CPVL: variants seen among roughly 807,000 people sequenced by gnomAD.
The protein encoded by CPVL is probable serine carboxypeptidase CPVL.
In CPVL, 51 loss-of-function variants were observed where a neutral mutation model predicts 63.7. The ratio of observed to expected loss-of-function variants is 0.80; its 90% CI spans 0.64 to 1.01. The LOEUF (loss-of-function observed/expected upper bound fraction) is 1.01. CPVL is among the 50% of genes least tolerant of loss of function. The pLI is 0.00. For synonymous variants in CPVL, 195 were observed against 206.0 expected, an observed-to-expected ratio of 0.95 and a Z score of 0.46; for missense variants, 530 against 573.1, an observed-to-expected ratio of 0.92 and a Z score of 0.77.
At chr7:29,022,006 C>T (rs1787039650) in intron 12 of CPVL, among the ~76,000 whole-genome samples, 1 of 152,176 alleles carries the variant, frequency 6.6e-6, no homozygotes, top group Admixed American at 6.5e-5. Flanking sequence ...ACTGGGGAGG[C>T]TGCCCTAGGG....
upstream of CPVL, among the ~76,000 whole-genome samples, chr7:29,150,762 C>G (rs1793476934): frequency 6.6e-6 from 1 of 152,190 alleles, no homozygotes; most frequent in Admixed American, 6.6e-5. Context: ...GCCATTGTTC[C>G]TTTTCAGTGT....
At chr7:29,159,953 C>T (rs970045371) in intron 5 of CPVL, among the ~76,000 whole-genome samples, 1 of 152,138 alleles carries the variant, frequency 6.6e-6, no homozygotes, top group Non-Finnish European at 1.5e-5. Context: ...TTTGTGTGCC[C>T]ATGGGTGCAC....
At chr7:29,128,112 T>A (rs1397199283) in intron 1 of CPVL, 1 of 151,640 alleles carries the variant, frequency 6.6e-6, no homozygotes, top group Non-Finnish European at 1.5e-5. Flanking sequence ...GACACCCCAC[T>A]AGTTCCAGAA....
chr7:29,028,643 A>T (rs1258205609), intron 12 of CPVL, among the ~76,000 whole-genome samples: 2 of 152,176 alleles, frequency 1.3e-5, no homozygotes, highest in Non-Finnish European at 2.9e-5. Flanking sequence ...GCAACTGAAG[A>T]GCACAAACCA....
At chr7:29,064,474 C>T (rs117822762) in intron 10 of CPVL, among the ~76,000 whole-genome samples, 2,321 of 152,244 alleles carry the variant, frequency 0.015, 22 homozygotes, top group Non-Finnish European at 0.024. Flanking sequence ...TTTGCAAATA[C>T]AGGATTTTCC....
intron 3 of CPVL, among the ~76,000 whole-genome samples, chr7:29,101,769 A>T (rs1787165281): frequency 6.6e-6 from 1 of 152,046 alleles, no homozygotes; most frequent in Admixed American, 6.6e-5. Flanking sequence ...TTACCCTTCC[A>T]GATTTTTCTC....
At chr7:29,082,633 A>G (rs908666094) in intron 7 of CPVL, 1 of 152,180 alleles carries the variant, frequency 6.6e-6, no homozygotes, top group Non-Finnish European at 1.5e-5. Context: ...TCTCCTGACA[A>G]TGGCATCTCT....
chr7:29,002,964 G>A (rs1486968415), intron 12 of CPVL, among the ~76,000 whole-genome samples: 3 of 120,028 alleles, frequency 2.5e-5, no homozygotes, highest in Non-Finnish European at 5.2e-5. Context: ...GGAAGAAATG[G>A]GGCAAAAGAA....
intron 12 of CPVL, among the ~76,000 whole-genome samples, chr7:28,999,602 A>C (rs1784411877): frequency 6.6e-6 from 1 of 152,164 alleles, no homozygotes; most frequent in Non-Finnish European, 1.5e-5. Flanking sequence ...TTCCCTGTCC[A>C]TAATTATCAA....
intron 11 of CPVL, among the ~76,000 whole-genome samples, chr7:29,062,128 AT>A (rs965309133): frequency 2.6e-5 from 4 of 152,186 alleles, no homozygotes; most frequent in African/African-American, 7.2e-5. Flanking sequence ...AAATTTGTGG[AT>A]AATAAGCACC....
chr7:29,053,536 C>G (rs530212728), intron 11 of CPVL, among the ~76,000 whole-genome samples: 1 of 152,250 alleles, frequency 6.6e-6, no homozygotes, highest in Non-Finnish European at 1.5e-5. Flanking sequence ...ATAGGCAAAT[C>G]CATACAGACA....
Position 29,064,261 on chromosome 7 carries a change from T to G in CPVL, c.964-27A>C, listed in dbSNP as rs2074783. On this transcript the variant is annotated intron_variant, in intron 10 of 12. Transcript: ENST00000265394. The stretch of plus-strand genomic sequence containing the variant: ...TGGCAGAAGGGGCATTGGAAAGACA[T>G]AGGGAACATGATTGGTGGCAGGAAC... 8 of 1,478,500 alleles carry G rather than the reference T, an allele frequency of 5.4e-6. No individual in the cohort carries two copies. In the East Asian group the frequency reaches 1.6e-4, roughly 29 times the overall value. 91.6% of individuals were successfully genotyped at this position (1,478,500 alleles called of 1,614,324 possible).
chr7:29,138,593 G>A (rs948298885), intron 1 of CPVL, among the ~76,000 whole-genome samples: 7 of 152,124 alleles, frequency 4.6e-5, no homozygotes, highest in African/African-American at 1.2e-4. Context: ...AACCGAGAAA[G>A]AGAGAGACCC....
At chr7:29,128,054 T>C (rs1471962984) in intron 1 of CPVL, 1 of 152,048 alleles carries the variant, frequency 6.6e-6, no homozygotes, top group Non-Finnish European at 1.5e-5. Flanking sequence ...GGAAAAGATA[T>C]TCTTTTTCTC....
intron 5 of CPVL, among the ~76,000 whole-genome samples, chr7:29,153,485 A>C (rs1356254902): frequency 1.3e-5 from 2 of 152,154 alleles, no homozygotes; most frequent in African/African-American, 4.8e-5. Flanking sequence ...TCTTCAGCCT[A>C]TTCAATGTGA....
intron 12 of CPVL, among the ~76,000 whole-genome samples, chr7:29,014,353 G>T (rs1157402675): frequency 6.6e-6 from 1 of 152,056 alleles, no homozygotes; most frequent in Non-Finnish European, 1.5e-5. Flanking sequence ...TTTTGTTTGA[G>T]ACAGGGTCTT....
chr7:29,088,461 A>AT (rs3042207), intron 6 of CPVL, among the ~76,000 whole-genome samples: 3,066 of 151,510 alleles, frequency 0.02, 64 homozygotes, highest in African/African-American at 0.054. Context: ...AAAACTGGCT[A>AT]TTTTTTTTTA....
At chr7:29,156,089 T>C (rs1339736915) in intron 5 of CPVL, among the ~76,000 whole-genome samples, 1 of 152,216 alleles carries the variant, frequency 6.6e-6, no homozygotes, top group Non-Finnish European at 1.5e-5. Flanking sequence ...AGGGAAGAGT[T>C]AATGTGTGCA....
At chr7:29,045,629 T>A (rs1484724952) in intron 11 of CPVL, among the ~76,000 whole-genome samples, 1 of 152,230 alleles carries the variant, frequency 6.6e-6, no homozygotes, top group East Asian at 1.9e-4. Flanking sequence ...CCATCATGGT[T>A]TGACAGAAGC....
Sources: gnomAD v4.1 joint callset for allele counts (sites outside exome capture counted in the v4.1 genomes callset) on GRCh38, gnomAD v4.1.1 for gene constraint, MANE v1.5 for transcripts, NCBI Gene and HGNC (gene_info 2026-07-23, HGNC 2026-07-21) for gene names.